The following MON2 variants were observed in gnomAD, a reference collection of about 807,000 sequenced individuals.
MON2 encodes the protein MON2 regulator of endosome-to-Golgi trafficking.
MON2 carries 84 observed loss-of-function variants against 208.6 expected under a neutral mutation model. That is an observed-to-expected ratio of 0.40 (90% confidence interval 0.34 to 0.48). The LOEUF (loss-of-function observed/expected upper bound fraction) is 0.48, where lower values mean the gene tolerates loss of function less well. MON2 is among the 20% of genes least tolerant of loss of function. The pLI is 0.59. For synonymous variants in MON2, 660 were observed against 694.0 expected, an observed-to-expected ratio of 0.95 and a Z score of 0.77; for missense variants, 1,611 against 2,015.4, an observed-to-expected ratio of 0.80 and a Z score of 3.84.
Position 62,560,957 on chromosome 12 carries a change from T to G in MON2, c.3876T>G (p.Asn1292Lys). The part of the protein sequence containing the change: ...ALYQHIKTGF[N>K]MDDLQKLGVI... ...ACCAACACATAAAAACTGGTTTCAA[T>G]ATGGATGACTTGCAAAAGTTGGGAG... Residue 1292 changes from asparagine (N) to lysine (K), a missense_variant, in exon 26 of 35, where the codon AAT becomes AAG. Asn to Lys is a moderately conservative substitution (Grantham distance 94). Transcript: ENST00000393630. 1 of 1,614,036 alleles carries G rather than the reference T, an allele frequency of 6.2e-7. No individual in the cohort carries two copies. Among genetic ancestry groups the G allele is most frequent in the South Asian group, 1.1e-5 (1 of 91,072 alleles).
intron 20 of MON2, 96 bp downstream of exon 20, chr12:62,543,294 T>C: frequency 1.7e-6 from 1 of 577,216 alleles, no homozygotes; most frequent in Non-Finnish European, 2.7e-6. Context: ...CAGCATTAAC[T>C]TTTTTTCCCC....
chr12:62,539,872 C>T (rs1241916667), intron 19 of MON2, among the ~76,000 whole-genome samples: 1 of 151,810 alleles, frequency 6.6e-6, no homozygotes, highest in Non-Finnish European at 1.5e-5. Context: ...CAAAAATTAG[C>T]TGGACATGCT....
intron 25 of MON2, among the ~76,000 whole-genome samples, chr12:62,557,639 TA>T (rs879714239): frequency 2.0e-5 from 3 of 152,122 alleles, no homozygotes; most frequent in Non-Finnish European, 4.4e-5. Flanking sequence ...TTTTTTAAAC[TA>T]ATTTATGTTA....
At chr12:62,485,503 C>T (rs2069717444) in intron 2 of MON2, among the ~76,000 whole-genome samples, 2 of 152,174 alleles carry the variant, frequency 1.3e-5, no homozygotes, top group African/African-American at 4.8e-5. Context: ...CATAAGCGCT[C>T]CTCAATTACA....
rs762825769 is a variant in MON2, at chr12:62,546,897, A to G, written c.2578A>G (p.Arg860Gly). The G allele has an allele frequency of 5.7e-6, 9 of 1,592,346 alleles. No individual in the cohort carries two copies. Among genetic ancestry groups the G allele is most frequent in the Middle Eastern group, 3.3e-4 (2 of 5,976 alleles). ...AATTAGTTTCTTGCCCCCTTTTCAG[A>G]GGCTGCAGTTGCTTTTATTGAACCC... ...NHDPPLSQNQ[R>G]LQLLLLNPLK... is the part of the protein sequence containing the mutation. The change falls in exon 22 of 35, where the codon AGG (arginine) becomes GGG (glycine). Residue 860 changes from arginine (R) to glycine (G), a missense_variant and splice_region_variant. Coordinates refer to ENST00000393630, the MANE Select transcript of MON2 (RefSeq NM_015026.3).
At chr12:62,570,750 T>TTTTG (rs2074566342) in intron 29 of MON2, among the ~76,000 whole-genome samples, 1 of 145,128 alleles carries the variant, frequency 6.9e-6, no homozygotes, top group East Asian at 2.0e-4. Context: ...TTTTTTTTTT[T>TTTTG]TGAGACAGAG....
chr12:62,582,289 C>T (rs990705221), intron 32 of MON2, among the ~76,000 whole-genome samples: 7 of 152,004 alleles, frequency 4.6e-5, no homozygotes, highest in Admixed American at 4.6e-4. Context: ...TTAAATTTAC[C>T]AAGACAAGAA....
intron 26 of MON2, among the ~76,000 whole-genome samples, chr12:62,561,684 A>G (rs548912479): frequency 3.9e-5 from 6 of 152,290 alleles, no homozygotes; most frequent in Admixed American, 2.0e-4. Flanking sequence ...ATCAAATTCA[A>G]AGTGTTTTTT....
chr12:62,562,828 T>C (rs1307007408), intron 26 of MON2, among the ~76,000 whole-genome samples: 1 of 152,204 alleles, frequency 6.6e-6, no homozygotes. Flanking sequence ...TGCTTTTATA[T>C]TGTTTAGGAC....
At chr12:62,553,279 C>A in intron 24 of MON2, 105 bp downstream of exon 24, 1 of 1,105,530 alleles carries the variant, frequency 9.0e-7, no homozygotes, top group Non-Finnish European at 1.3e-6. Context: ...AATTTCCATG[C>A]ATTTGTGTAT....
rs2074038695 is a variant in MON2, at chr12:62,557,943, TATATATATATA to T, written c.3409+1752_3409+1762del. ...ACGAATAGATTTATATATATATATA[TATATATATATA>T]TATATATATTTTTTTTTTTTTTTTT... On this transcript the variant is annotated intron_variant, in intron 25 of 34. Transcript: ENST00000393630. Among the ~76,000 whole-genome samples the T allele has an allele frequency of 3.5e-3, 133 of 38,104 alleles. 6 individuals are homozygous for T. The highest frequency in any genetic ancestry group is 6.6e-3 in the East Asian group (9 of 1,374). 25.0% of individuals were successfully genotyped at this position (38,104 alleles called of 152,430 possible). A position where few individuals can be genotyped will look rare whatever the true frequency, so the allele number is the denominator to read the frequency against.
rs1565692919 is a variant in MON2, at chr12:62,566,015, T to G, written c.4178T>G (p.Ile1393Ser). Reference protein sequence around the residue: ...KHIANAKYNQIQLFAPAEWVA... With the variant: ...KHIANAKYNQSQLFAPAEWVA... The stretch of plus-strand genomic sequence containing the variant: ...TGCAACACAATGGAATCACAATAGA[T>G]CCAACTATTTGCACCGGTGAGTTAA... Residue 1393 changes from isoleucine to serine, a missense_variant and splice_region_variant, in exon 28 of 35, where the codon ATC becomes AGC. Ile to Ser is a moderately radical substitution (Grantham distance 142, BLOSUM62 -2). Transcript: ENST00000393630. 1.2e-6 allele frequency: 2 copies of G among 1,610,946 alleles called. No individual in the cohort carries two copies. Among genetic ancestry groups the G allele is most frequent in the East Asian group, 4.5e-5 (2 of 44,758 alleles).
intron 8 of MON2, among the ~76,000 whole-genome samples, chr12:62,513,510 G>A (rs976928844): frequency 4.6e-5 from 7 of 151,920 alleles, no homozygotes; most frequent in Non-Finnish European, 1.0e-4. Flanking sequence ...ATAGGCATGA[G>A]CCACTGCGCC....
chr12:62,467,186 T>C lies in MON2; in HGVS notation c.-22T>C, dbSNP rs1459310441. Reference sequence around the variant, plus strand: ...AGAGCTTGTTTGTACCTCTCGGAAATTGGCTGGGACCTTGGAGGATCATGT... The same window carrying C: ...AGAGCTTGTTTGTACCTCTCGGAAACTGGCTGGGACCTTGGAGGATCATGT... On this transcript the variant is annotated 5_prime_UTR_variant, in exon 1 of 35. Coordinates refer to ENST00000393630, the MANE Select transcript of MON2 (RefSeq NM_015026.3). The C allele has an allele frequency of 4.4e-6, 7 of 1,605,444 alleles. No individual in the cohort carries two copies. In the African/African-American group the frequency reaches 5.3e-5, roughly 12 times the overall value.
rs1226228846 is a variant in MON2, at chr12:62,537,646, G to A, written c.2058G>A (p.Leu686=). 1 of 1,613,166 alleles carries A rather than the reference G, an allele frequency of 6.2e-7. No individual in the cohort carries two copies. Among genetic ancestry groups the A allele is most frequent in the Non-Finnish European group, 8.5e-7 (1 of 1,179,712 alleles). Residue 686 remains leucine, a synonymous_variant, in exon 16 of 35, where the codon TTG becomes TTA. Coordinates refer to ENST00000393630, the MANE Select transcript of MON2 (RefSeq NM_015026.3). ...NIQCMRTLLN[L]AHCHGAVLGT... Reference sequence around the variant, plus strand: ...AGTGTATGAGGACTTTACTTAACTTGGCGCATTGCCATGGGGCTGTTCTTG... The same window carrying A: ...AGTGTATGAGGACTTTACTTAACTTAGCGCATTGCCATGGGGCTGTTCTTG...
At chr12:62,537,563 C>A in intron 15 of MON2, 39 bp from the exon 16 acceptor site, 1 of 1,434,282 alleles carries the variant, frequency 7.0e-7, no homozygotes, top group Non-Finnish European at 9.6e-7. Context: ...TTTAAGAATA[C>A]ATAACAATTA....
At chr12:62,527,277 A>G (rs1230382619) in intron 11 of MON2, among the ~76,000 whole-genome samples, 1 of 151,996 alleles carries the variant, frequency 6.6e-6, no homozygotes, top group Non-Finnish European at 1.5e-5. Context: ...TAGAAATGAA[A>G]CAGAGTCTTC....
At chr12:62,539,036 A>T (rs10877873) in intron 19 of MON2, among the ~76,000 whole-genome samples, 1 of 151,830 alleles carries the variant, frequency 6.6e-6, no homozygotes, top group Non-Finnish European at 1.5e-5. Flanking sequence ...ATTTCTTTCT[A>T]TACTACTAAA....
intron 1 of MON2, among the ~76,000 whole-genome samples, chr12:62,474,348 C>T (rs1360926986): frequency 6.6e-6 from 1 of 151,938 alleles, no homozygotes; most frequent in African/African-American, 2.4e-5. Context: ...GAACTCCTGA[C>T]CTCAGGTGAT....
Sources: gnomAD v4.1 joint callset for allele counts (sites outside exome capture counted in the v4.1 genomes callset) on GRCh38, gnomAD v4.1.1 for gene constraint, MANE v1.5 for transcripts, NCBI Gene and HGNC (gene_info 2026-07-23, HGNC 2026-07-21) for gene names.